SLC49A4: variants seen among roughly 807,000 people sequenced by gnomAD.
SLC49A4 encodes the protein disrupted in renal cancer protein 2.
A neutral mutation model predicts 50.6 loss-of-function variants in SLC49A4; 36 were observed. The ratio of observed to expected loss-of-function variants is 0.71; its 90% CI spans 0.55 to 0.94. The LOEUF (loss-of-function observed/expected upper bound fraction) is 0.94, where lower values mean the gene tolerates loss of function less well. Ranked by LOEUF, SLC49A4 falls within the 40% of genes least tolerant of loss-of-function variation. The pLI is 0.00. For synonymous variants in SLC49A4, 248 were observed against 241.2 expected, an observed-to-expected ratio of 1.03 and a Z score of -0.26; for missense variants, 503 against 605.7, an observed-to-expected ratio of 0.83 and a Z score of 1.78.
At chr3:122,809,603 C>T (rs1328713055) in intron 2 of SLC49A4, among the ~76,000 whole-genome samples, 2 of 152,064 alleles carry the variant, frequency 1.3e-5, no homozygotes, top group East Asian at 1.9e-4. Flanking sequence ...CTGTTTTGGG[C>T]CATCCATACT....
Position 122,879,252 on chromosome 3 carries a change from T to C in SLC49A4, c.1322-11T>C, listed in dbSNP as rs781009366. The C allele has an allele frequency of 2.5e-6, 4 of 1,602,856 alleles. No individual in the cohort carries two copies. In the African/African-American group the frequency reaches 5.4e-5, roughly 21 times the overall value. ...TGAATGTTTAAAACTGCATGTTTTT[T>C]TGTCTTACAGAGTTGTCTTGGTTCA... On this transcript the variant is annotated splice_polypyrimidine_tract_variant and intron_variant, in intron 8 of 8. Transcript: ENST00000261038.
chr3:122,880,114 T>C lies in SLC49A4; in HGVS notation c.*736T>C, dbSNP rs138898647. ...TTTAATATGATTACATTAAATATTGTATGAAAAAATGTAATTCCATTAGGA... is the reference window on the plus strand; with the variant it reads ...TTTAATATGATTACATTAAATATTGCATGAAAAAATGTAATTCCATTAGGA... On this transcript the variant is annotated 3_prime_UTR_variant, in exon 9 of 9. Transcript: ENST00000261038. 1 of 152,352 alleles carries C rather than the reference T, an allele frequency of 6.6e-6. No homozygotes were observed. Among genetic ancestry groups the C allele is most frequent in the East Asian group, 1.9e-4 (1 of 5,190 alleles). The allele number at this position is 152,352 out of a possible 1,614,324, so 9.4% of individuals were successfully genotyped here. A position where few individuals can be genotyped will look rare whatever the true frequency, so the allele number is the denominator to read the frequency against.
At chr3:122,808,567 G>A (rs1411036340) in intron 2 of SLC49A4, among the ~76,000 whole-genome samples, 10 of 152,122 alleles carry the variant, frequency 6.6e-5, no homozygotes, top group South Asian at 2.1e-4. Context: ...AGGTCAGAGC[G>A]GTTACAGAGT....
intron 1 of SLC49A4, 113 bp from the exon 2 acceptor site, chr3:122,806,744 A>C (rs1936224440): frequency 1.5e-6 from 1 of 667,976 alleles, no homozygotes; most frequent in African/African-American, 1.9e-5. Context: ...TTATACAGAA[A>C]AGCCATAATA....
At chr3:122,874,245 C>G (rs1342227985) in intron 8 of SLC49A4, among the ~76,000 whole-genome samples, 1 of 152,202 alleles carries the variant, frequency 6.6e-6, no homozygotes, top group Non-Finnish European at 1.5e-5. Flanking sequence ...AGTAGTTTAT[C>G]TCTGTCACTC....
Position 122,872,416 on chromosome 3 carries a change from G to C in SLC49A4, c.1140G>C (p.Val380=), listed in dbSNP as rs1056637509. 2.5e-6 allele frequency: 4 copies of C among 1,602,686 alleles called. No homozygotes were observed. Among genetic ancestry groups the C allele is most frequent in the Middle Eastern group, 1.7e-4 (1 of 6,032 alleles). The change falls in exon 8 of 9, where the codon GTG becomes GTC. Residue 380 remains valine, a splice_region_variant and synonymous_variant. Coordinates refer to ENST00000261038, the MANE Select transcript of SLC49A4 (RefSeq NM_032839.3). ...AAAATGTTTGTGTTTTTATTTTAGTGACATTGTATGCCTCCTGTATTCTCC... is the reference window on the plus strand; with the variant it reads ...AAAATGTTTGTGTTTTTATTTTAGTCACATTGTATGCCTCCTGTATTCTCC... ...NSITHLPLTT[V]TLYASCILLG...
rs1936754403 is a variant in SLC49A4 at position 122,840,339 on chromosome 3, T to A, written c.834-5424T>A. On this transcript the variant is annotated intron_variant, in intron 4 of 8. Transcript: ENST00000261038. ...GTCTCAGACTTCACCGCTATCCAATTCATCCTTGTAACCAAAAATCATTTG... is the reference window on the plus strand; with the variant it reads ...GTCTCAGACTTCACCGCTATCCAATACATCCTTGTAACCAAAAATCATTTG... Among the ~76,000 whole-genome samples, 3 of 152,332 alleles carry A rather than the reference T, an allele frequency of 2.0e-5. No homozygotes were observed. The South Asian group carries it at 6.2e-4, about 32-fold the overall frequency.
In SLC49A4 at chr3:122,872,635, T is replaced by A. The variant is rs554900424; in HGVS notation, c.1321+38T>A. ...ATTTTTTATTTACTATCTAAATGTG[T>A]TACAAGAAAAGTTTGGGTCACTAGT... On this transcript the variant is annotated intron_variant, in intron 8 of 8. Transcript: ENST00000261038. 9.5e-6 allele frequency: 14 copies of A among 1,471,706 alleles called. No homozygotes were observed. In the African/African-American group the frequency reaches 2.0e-4, roughly 21 times the overall value. The allele number at this position is 1,471,706 out of a possible 1,614,324, so 91.2% of individuals were successfully genotyped here. A position where few individuals can be genotyped will look rare whatever the true frequency, so the allele number is the denominator to read the frequency against.
intron 5 of SLC49A4, among the ~76,000 whole-genome samples, chr3:122,848,948 A>G (rs1284268150): frequency 2.0e-5 from 3 of 152,046 alleles, no homozygotes; most frequent in Admixed American, 6.6e-5. Flanking sequence ...CCCTTAACCA[A>G]CTTCTCTTCA....
chr3:122,867,398 TA>T (rs1263330951), intron 7 of SLC49A4, among the ~76,000 whole-genome samples: 19 of 152,240 alleles, frequency 1.2e-4, no homozygotes, highest in South Asian at 4.1e-4. Context: ...TTAGCACTGA[TA>T]ATTTACACTA....
chr3:122,827,173 T>A (rs1936542945), intron 3 of SLC49A4, 108 bp downstream of exon 3: 1 of 1,237,120 alleles, frequency 8.1e-7, no homozygotes, highest in South Asian at 1.5e-5. Flanking sequence ...TTGAGAGGAC[T>A]AATATGTAAA....
intron 2 of SLC49A4, among the ~76,000 whole-genome samples, chr3:122,826,281 G>GA (rs1236414507): frequency 9.2e-5 from 14 of 152,164 alleles, no homozygotes; most frequent in African/African-American, 3.4e-4. Context: ...GGTATGAAAT[G>GA]TTGAGCTCAA....
chr3:122,868,775 A>G (rs879693951), intron 7 of SLC49A4, among the ~76,000 whole-genome samples: 2 of 152,222 alleles, frequency 1.3e-5, no homozygotes, highest in Non-Finnish European at 2.9e-5. Context: ...CCATTGTAAT[A>G]GAAACCTCTT....
At chr3:122,825,425 A>G (rs912280732) in intron 2 of SLC49A4, among the ~76,000 whole-genome samples, 17 of 151,988 alleles carry the variant, frequency 1.1e-4, no homozygotes, top group Admixed American at 2.6e-4. Context: ...AGTTTTTTTA[A>G]TTTAGTAATA....
chr3:122,798,662 T>TG, intron 1 of SLC49A4, among the ~76,000 whole-genome samples: 1 of 144,778 alleles, frequency 6.9e-6, no homozygotes, highest in South Asian at 2.3e-4. Context: ...TTTTTTTTTT[T>TG]GAGACAGAGT....
chr3:122,830,383 T>A (rs1936592908), intron 3 of SLC49A4, among the ~76,000 whole-genome samples: 1 of 152,156 alleles, frequency 6.6e-6, no homozygotes, highest in Non-Finnish European at 1.5e-5. Flanking sequence ...GGAACAAAAT[T>A]GGAGAACTCA....
chr3:122,849,789 C>T (rs115402790), intron 5 of SLC49A4, among the ~76,000 whole-genome samples: 1,562 of 152,016 alleles, frequency 0.01, 8 homozygotes, highest in Middle Eastern at 0.051. Flanking sequence ...TGTCTCTTCC[C>T]TCTGTTGTTT....
chr3:122,817,380 A>G (rs1936385021), intron 2 of SLC49A4, among the ~76,000 whole-genome samples: 3 of 152,076 alleles, frequency 2.0e-5, no homozygotes, highest in South Asian at 4.1e-4. Context: ...CTTGAAAGGA[A>G]CCCAGCCTTG....
chr3:122,810,968 T>A (rs980035219), intron 2 of SLC49A4, among the ~76,000 whole-genome samples: 5 of 152,122 alleles, frequency 3.3e-5, no homozygotes, highest in African/African-American at 1.2e-4. Context: ...AAATAATGAA[T>A]CATAAAAGTA....
Sources: gnomAD v4.1 joint callset for allele counts (sites outside exome capture counted in the v4.1 genomes callset) on GRCh38, gnomAD v4.1.1 for gene constraint, MANE v1.5 for transcripts, NCBI Gene and HGNC (gene_info 2026-07-23, HGNC 2026-07-21) for gene names.